Variants in FBLIM1 observed in about 807,000 individuals in gnomAD.
The protein encoded by FBLIM1 is filamin binding LIM protein 1.
FBLIM1 carries 29 observed loss-of-function variants against 37.4 expected under a neutral mutation model. The observed-to-expected ratio is 0.77, with a 90% confidence interval of 0.58 to 1.06. FBLIM1 has a LOEUF of 1.06. Ranked by LOEUF, FBLIM1 falls within the 50% of genes least tolerant of loss-of-function variation. The pLI is 0.00. For missense variants in FBLIM1, 449 were observed against 505.6 expected (o/e 0.89, Z 1.07); for synonymous variants, 193 against 199.0 (o/e 0.97, Z 0.25).
rs2069039694 is a variant in FBLIM1 at position 15,768,547 on chromosome 1, C to T, written c.458C>T (p.Ser153Leu). 3 of 1,595,508 alleles carry T rather than the reference C, an allele frequency of 1.9e-6. No individual in the cohort carries two copies. Among genetic ancestry groups the T allele is most frequent in the South Asian group, 2.3e-5 (2 of 88,040 alleles). Residue 153 changes from serine (S) to leucine (L), a missense_variant, in exon 5 of 9, where the codon TCA becomes TTA. Physicochemically the swap from Ser to Leu is moderately radical, Grantham distance 145 (BLOSUM62 -2). Transcript: ENST00000375766. ...PPPQAPAEGP[S>L]VQPGPLRPME... ...CCACAGGCCCCAGCGGAGGGACCTT[C>T]AGTCCAGCCCGGTCCCCTCAGGCCC... is the stretch of plus-strand genomic sequence containing the variant.
chr1:15,779,505 G>A (rs753316902), intron 8 of FBLIM1, among the ~76,000 whole-genome samples: 4 of 151,310 alleles, frequency 2.6e-5, no homozygotes, highest in African/African-American at 4.9e-5. Context: ...ATTTCACCAC[G>A]TTGGCCAGGC....
chr1:15,774,652 T>A lies in FBLIM1; in HGVS notation c.746T>A (p.Val249Glu). 1 of 1,613,442 alleles carries A rather than the reference T, an allele frequency of 6.2e-7. No individual in the cohort carries two copies. The highest frequency in any genetic ancestry group is 1.7e-4 in the Middle Eastern group (1 of 6,050). Reference sequence around the variant, plus strand: ...GAGAGGTGCGGCAAGTGTGGCGAGGTGGTCCGGGACCACATCATCAGGGCC... The same window carrying A: ...GAGAGGTGCGGCAAGTGTGGCGAGGAGGTCCGGGACCACATCATCAGGGCC... ...TLERCGKCGEVVRDHIIRALG... is the reference protein window; with the variant it reads ...TLERCGKCGEEVRDHIIRALG... Residue 249 changes from valine (V) to glutamate (E), a missense_variant, in exon 7 of 9, where the codon GTG (valine) becomes GAG (glutamate). Coordinates refer to ENST00000375766, the MANE Select transcript of FBLIM1 (RefSeq NM_017556.4).
intron 5 of FBLIM1, among the ~76,000 whole-genome samples, chr1:15,769,671 T>A (rs2148554566): frequency 6.6e-6 from 1 of 152,080 alleles, no homozygotes; most frequent in Non-Finnish European, 1.5e-5. Context: ...AGAGTCTTGC[T>A]CTGTCACCAG....
chr1:15,760,184 C>T (rs1025477594), intron 1 of FBLIM1, among the ~76,000 whole-genome samples: 1 of 152,040 alleles, frequency 6.6e-6, no homozygotes, highest in African/African-American at 2.4e-5. Flanking sequence ...GATCGCACCA[C>T]TGCGCAGCCT....
rs573117630 is a variant in FBLIM1 at position 15,780,988 on chromosome 1, G to A, written c.1009-3560G>A. On this transcript the variant is annotated intron_variant, in intron 8 of 8. Coordinates refer to ENST00000375766, the MANE Select transcript of FBLIM1 (RefSeq NM_017556.4). ...ACCTTCCTGAGCCTGGCCAGGAAGC[G>A]AATAAACCCCCCCGGTAGTCCTTGA... is the stretch of plus-strand genomic sequence containing the variant. Among the ~76,000 whole-genome samples the A allele has an allele frequency of 9.9e-5, 15 of 152,230 alleles. 1 individual carries two copies. The South Asian group carries it at 3.1e-3, about 32-fold the overall frequency.
At chr1:15,763,110 C>T (rs1385251999) in intron 1 of FBLIM1, among the ~76,000 whole-genome samples, 2 of 151,566 alleles carry the variant, frequency 1.3e-5, no homozygotes, top group African/African-American at 4.8e-5. Context: ...CTCTTGTTGC[C>T]CAGGCTAGAG....
intron 3 of FBLIM1, among the ~76,000 whole-genome samples, chr1:15,766,441 C>T (rs907409257): frequency 6.6e-6 from 1 of 152,114 alleles, no homozygotes; most frequent in Non-Finnish European, 1.5e-5. Flanking sequence ...GGATTACAGG[C>T]GCCCACCATC....
At chr1:15,776,114 CAT>C (rs1437141959) in intron 7 of FBLIM1, among the ~76,000 whole-genome samples, 2 of 152,020 alleles carry the variant, frequency 1.3e-5, no homozygotes, top group African/African-American at 4.8e-5. Flanking sequence ...TAGACAAAAA[CAT>C]ATATAAAAAA....
intron 1 of FBLIM1, among the ~76,000 whole-genome samples, chr1:15,763,756 C>T (rs552705356): frequency 5.9e-5 from 9 of 152,086 alleles, no homozygotes; most frequent in African/African-American, 2.2e-4. Context: ...TCTCCTGCCT[C>T]ACCCTCCCAA....
intron 8 of FBLIM1, among the ~76,000 whole-genome samples, chr1:15,777,563 ACTCT>A (rs1052754113): frequency 4.2e-5 from 6 of 144,366 alleles, no homozygotes; most frequent in African/African-American, 1.3e-4. Context: ...TGGCATCAGG[ACTCT>A]CTCCATTTTT....
At chr1:15,759,600 G>C (rs1169157715) in intron 1 of FBLIM1, among the ~76,000 whole-genome samples, 2 of 152,196 alleles carry the variant, frequency 1.3e-5, no homozygotes, top group African/African-American at 4.8e-5. Context: ...TGCCTAACCA[G>C]CTGTCCTTCT....
At position 15,774,807 on chromosome 1, in the gene FBLIM1, G is replaced by A. The variant is rs201113424; in HGVS notation, c.890+11G>A. The A allele has an allele frequency of 1.2e-6, 2 of 1,614,076 alleles. No individual in the cohort carries two copies. The highest frequency in any genetic ancestry group is 3.3e-5 in the Admixed American group (2 of 59,998). On this transcript the variant is annotated intron_variant, in intron 7 of 8. Coordinates refer to ENST00000375766, the MANE Select transcript of FBLIM1 (RefSeq NM_017556.4). ...GGACGACTTCTACAGGTACGAGAAG[G>A]GTTTGTGCACTGGGTGGGGTGCAGG...
rs755461474 is a variant in FBLIM1, at chr1:15,784,638, C to T, written c.1099C>T (p.Arg367Trp). ...CTTCTGCAAGCCATGCCATGTGAAG[C>T]GGAGTGCTGCGGGGTGCTGCTGAGA... ...HLFCKPCHVKRSAAGCC is the reference protein window; with the variant it reads ...HLFCKPCHVKWSAAGCC Residue 367 changes from arginine (R) to tryptophan (W), a missense_variant, in exon 9 of 9, where the codon CGG becomes TGG. Physicochemically the swap from Arg to Trp is moderately radical, Grantham distance 101. Coordinates refer to ENST00000375766, the MANE Select transcript of FBLIM1 (RefSeq NM_017556.4). 5.6e-6 allele frequency: 9 copies of T among 1,614,000 alleles called. No individual in the cohort carries two copies. The highest frequency in any genetic ancestry group is 1.6e-4 in the Middle Eastern group (1 of 6,082).
At chr1:15,776,655 G>C (rs1372499777) in intron 7 of FBLIM1, among the ~76,000 whole-genome samples, 2 of 149,924 alleles carry the variant, frequency 1.3e-5, no homozygotes, top group Admixed American at 1.4e-4. Flanking sequence ...ACGAGGTCAG[G>C]AGTTCAAGAC....
chr1:15,770,618 C>T (rs769853622), intron 6 of FBLIM1, 40 bp downstream of exon 6: 2 of 1,603,930 alleles, frequency 1.2e-6, no homozygotes, highest in Non-Finnish European at 1.7e-6. Context: ...AGGCAGTGAG[C>T]TGAGCACTTA....
In FBLIM1 at chr1:15,770,782, G is replaced by A. The variant is rs147644303; in HGVS notation, c.711+204G>A. 3.7e-3 allele frequency among the ~76,000 whole-genome samples: 571 copies of A among 152,292 alleles called. 12 individuals are homozygous for A. Among genetic ancestry groups the A allele is most frequent in the African/African-American group, 0.013 (547 of 41,564 alleles). On this transcript the variant is annotated intron_variant, in intron 6 of 8. Coordinates refer to ENST00000375766, the MANE Select transcript of FBLIM1 (RefSeq NM_017556.4). Reference sequence around the variant, plus strand: ...CCTGTAAGAGATCACCACAACCTTCGTGGCTTCCAGCAGTACACGTTTATT... The same window carrying A: ...CCTGTAAGAGATCACCACAACCTTCATGGCTTCCAGCAGTACACGTTTATT...
In FBLIM1 at chr1:15,762,092, CT is replaced by C. The variant is rs748578114; in HGVS notation, c.-210-2391del. Among the ~76,000 whole-genome samples, 892 of 142,288 alleles carry C rather than the reference CT, an allele frequency of 6.3e-3. 8 individuals are homozygous for C. The highest frequency in any genetic ancestry group is 0.019 in the African/African-American group (747 of 39,106). 93.3% of individuals were successfully genotyped at this position (142,288 alleles called of 152,430 possible). A position where few individuals can be genotyped will look rare whatever the true frequency, so the allele number is the denominator to read the frequency against. On this transcript the variant is annotated intron_variant, in intron 1 of 8. Coordinates refer to ENST00000375766, the MANE Select transcript of FBLIM1 (RefSeq NM_017556.4). ...ACCATGCTCTCTGATTTATGCTTTT[CT>C]TTTTTTTTTTTTCGAGACAGAGTTT...
At chr1:15,774,323 G>A (rs2069381343) in intron 6 of FBLIM1, among the ~76,000 whole-genome samples, 1 of 152,170 alleles carries the variant, frequency 6.6e-6, no homozygotes, top group South Asian at 2.1e-4. Flanking sequence ...TTTAAGCGAG[G>A]TTTCTCCTAT....
chr1:15,784,216 A>G (rs971466390), intron 8 of FBLIM1, among the ~76,000 whole-genome samples: 10 of 152,200 alleles, frequency 6.6e-5, no homozygotes, highest in African/African-American at 2.4e-4. Flanking sequence ...TTAAAAAATA[A>G]TAAAGGAGCT....
Sources: gnomAD v4.1 joint callset for allele counts (sites outside exome capture counted in the v4.1 genomes callset) on GRCh38, gnomAD v4.1.1 for gene constraint, MANE v1.5 for transcripts, NCBI Gene and HGNC (gene_info 2026-07-23, HGNC 2026-07-21) for gene names.